The following ULK2 variants were observed in gnomAD, a reference collection of about 807,000 sequenced individuals.
ULK2 encodes serine/threonine-protein kinase ULK2.
ULK2 carries 76 observed loss-of-function variants against 127.5 expected under a neutral mutation model. The ratio of observed to expected loss-of-function variants is 0.60; its 90% CI spans 0.50 to 0.72. The LOEUF is 0.72. ULK2 is among the 30% of genes least tolerant of loss of function. ULK2 has a pLI of 0.00. For missense variants in ULK2, 1,144 were observed against 1,295.9 expected (o/e 0.88, Z 1.80); for synonymous variants, 452 against 461.9 (o/e 0.98, Z 0.28).
chr17:19,855,160 T>C (rs1231874026), intron 3 of ULK2, among the ~76,000 whole-genome samples: 1 of 148,312 alleles, frequency 6.7e-6, no homozygotes, highest in Non-Finnish European at 1.5e-5. Flanking sequence ...ATCCCAGCAC[T>C]TTGGGAGGCC....
chr17:19,793,991 T>C (rs2087211973), intron 20 of ULK2, among the ~76,000 whole-genome samples: 2 of 152,004 alleles, frequency 1.3e-5, no homozygotes, highest in African/African-American at 4.8e-5. Flanking sequence ...CAAGAACAGA[T>C]AGGTAATACA....
intron 6 of ULK2, among the ~76,000 whole-genome samples, chr17:19,846,297 T>C (rs942999208): frequency 1.3e-5 from 2 of 150,444 alleles, no homozygotes; most frequent in Admixed American, 1.3e-4. Flanking sequence ...GATTCACCTA[T>C]CTAAGAGAAC....
intron 25 of ULK2, 112 bp from the exon 26 acceptor site, chr17:19,777,828 A>G: frequency 7.6e-7 from 1 of 1,320,758 alleles, no homozygotes; most frequent in Non-Finnish European, 1.0e-6. Context: ...CATTTTGGTA[A>G]AGTGATACAG....
rs767207476 is a variant in ULK2 at position 19,816,968 on chromosome 17, A to C, written c.925-48T>G. 2.6e-6 allele frequency: 4 copies of C among 1,546,850 alleles called. No individual in the cohort carries two copies. In the South Asian group the frequency reaches 5.1e-5, roughly 20 times the overall value. Reference sequence around the variant, plus strand: ...AAAACTGGTCTAATAATCAAATGCAAGTCAGAATAGTGACTAGACTAAGGA... The same window carrying C: ...AAAACTGGTCTAATAATCAAATGCACGTCAGAATAGTGACTAGACTAAGGA... On this transcript the variant is annotated intron_variant, in intron 12 of 26. Coordinates refer to ENST00000395544, the MANE Select transcript of ULK2 (RefSeq NM_014683.4).
At chr17:19,840,206 G>A (rs962134781) in intron 9 of ULK2, 10 of 496,122 alleles carry the variant, frequency 2.0e-5, no homozygotes, top group East Asian at 5.7e-5. Flanking sequence ...ACATATCTCC[G>A]GACACCCGAC....
intron 10 of ULK2, among the ~76,000 whole-genome samples, chr17:19,834,912 A>C (rs1237567614): frequency 2.7e-5 from 4 of 148,576 alleles, no homozygotes; most frequent in East Asian, 2.0e-4. Context: ...CTGTCTCAGA[A>C]AAAAAAAAAA....
chr17:19,782,696 A>G (rs1354897544), intron 22 of ULK2, among the ~76,000 whole-genome samples: 2 of 152,234 alleles, frequency 1.3e-5, no homozygotes, highest in East Asian at 3.9e-4. Context: ...CGGGTGGATC[A>G]CCTGAGGTCA....
intron 6 of ULK2, among the ~76,000 whole-genome samples, chr17:19,846,205 C>T (rs564810626): frequency 9.2e-5 from 14 of 152,224 alleles, no homozygotes; most frequent in Admixed American, 5.2e-4. Context: ...TCTCGAGAGA[C>T]GCAGGTATTC....
Position 19,799,579 on chromosome 17 carries a change from C to CAAAAAAAAA in ULK2, c.1442-13_1442-5dup, listed in dbSNP as rs11456096. 22 of 1,194,498 alleles carry CAAAAAAAAA rather than the reference C, an allele frequency of 1.8e-5. No homozygotes were observed. The highest frequency in any genetic ancestry group is 1.2e-4 in the East Asian group (4 of 33,220). 74.0% of individuals were successfully genotyped at this position (1,194,498 alleles called of 1,614,324 possible). ...AATTGCTCAGGAATGGTACCAACTA[C>CAAAAAAAAA]AAAAAAAAAAAAAAAAAAGATGGGG... is the stretch of plus-strand genomic sequence containing the variant. On this transcript the variant is annotated splice_region_variant and splice_polypyrimidine_tract_variant and intron_variant, in intron 16 of 26. Coordinates refer to ENST00000395544, the MANE Select transcript of ULK2 (RefSeq NM_014683.4).
chr17:19,811,288 C>T (rs1222265046), intron 13 of ULK2: 2 of 151,952 alleles, frequency 1.3e-5, no homozygotes, highest in African/African-American at 2.4e-5. Context: ...TACTTCCTTT[C>T]GTAGCTTTGA....
chr17:19,845,700 A>G (rs1000522219), intron 6 of ULK2, among the ~76,000 whole-genome samples: 1 of 152,236 alleles, frequency 6.6e-6, no homozygotes, highest in Admixed American at 6.5e-5. Flanking sequence ...TAGAATGTGA[A>G]CAATTATGCT....
chr17:19,779,811 G>A (rs147579114), intron 25 of ULK2, among the ~76,000 whole-genome samples: 1 of 152,248 alleles, frequency 6.6e-6, no homozygotes, highest in East Asian at 1.9e-4. Context: ...GTTTTATCAA[G>A]CCTAACTTTC....
chr17:19,772,437 A>C lies in ULK2; in HGVS notation c.*3912T>G, dbSNP rs1397491710. Reference sequence around the variant, plus strand: ...CAAGAGCTTGCTTGGCTGCAGATTCAAGGGTCCAGGACTCAGAAAAAAGTG... The same window carrying C: ...CAAGAGCTTGCTTGGCTGCAGATTCCAGGGTCCAGGACTCAGAAAAAAGTG... On this transcript the variant is annotated 3_prime_UTR_variant, in exon 27 of 27. Coordinates refer to ENST00000395544, the MANE Select transcript of ULK2 (RefSeq NM_014683.4). 1 of 152,170 alleles carries C rather than the reference A, an allele frequency of 6.6e-6. No homozygotes were observed. Among genetic ancestry groups the C allele is most frequent in the Non-Finnish European group, 1.5e-5 (1 of 68,050 alleles). 9.4% of individuals were successfully genotyped at this position (152,170 alleles called of 1,614,324 possible).
chr17:19,816,757 T>A lies in ULK2; in HGVS notation c.1088A>T (p.Asp363Val). 1 of 1,589,556 alleles carries A rather than the reference T, an allele frequency of 6.3e-7. No homozygotes were observed. ...FVLVPHNISS[D>V]HSCDMPVGTA... is the part of the protein sequence containing the mutation. ...GTAGAAAAGATTCTCACATGAGTGG[T>A]CTGACGAGATGTTGTGTGGCACCAA... The change falls in exon 13 of 27, where the codon GAC becomes GTC. Residue 363 changes from aspartate (D) to valine (V), a missense_variant. Transcript: ENST00000395544.
At chr17:19,838,436 T>G in intron 10 of ULK2, 65 bp downstream of exon 10, 1 of 1,394,732 alleles carries the variant, frequency 7.2e-7, no homozygotes, top group East Asian at 2.3e-5. Context: ...TCTCTAGTTT[T>G]TAAATCTTTC....
At chr17:19,839,996 G>C (rs910730154) in intron 9 of ULK2, 2 of 293,024 alleles carry the variant, frequency 6.8e-6, no homozygotes, top group Non-Finnish European at 6.7e-6. Context: ...CACTTCACTA[G>C]AGCCTGTTTG....
intron 17 of ULK2, 34 bp downstream of exon 17, chr17:19,799,461 T>G: frequency 1.4e-6 from 2 of 1,469,572 alleles, no homozygotes; most frequent in Non-Finnish European, 1.8e-6. Context: ...ATAATACAAT[T>G]CAAATTATTA....
chr17:19,864,879 T>C, intron 2 of ULK2, 35 bp from the exon 3 acceptor site: 1 of 1,039,496 alleles, frequency 9.6e-7, no homozygotes, highest in Non-Finnish European at 1.3e-6. Flanking sequence ...AATATGTAAG[T>C]ATTCTAATGA....
chr17:19,864,165 T>A (rs1433072129), intron 3 of ULK2, among the ~76,000 whole-genome samples: 1 of 152,070 alleles, frequency 6.6e-6, no homozygotes, highest in East Asian at 1.9e-4. Flanking sequence ...AATGTTTTTT[T>A]AAAAAAAGAA....
Sources: gnomAD v4.1 joint callset for allele counts (sites outside exome capture counted in the v4.1 genomes callset) on GRCh38, gnomAD v4.1.1 for gene constraint, MANE v1.5 for transcripts, NCBI Gene and HGNC (gene_info 2026-07-23, HGNC 2026-07-21) for gene names.